The following UAP1 variants were observed in gnomAD, a reference collection of about 807,000 sequenced individuals.
UAP1 encodes the protein UDP-N-acetylhexosamine pyrophosphorylase.
A neutral mutation model predicts 58.5 loss-of-function variants in UAP1; 25 were observed. That is an observed-to-expected ratio of 0.43 (90% CI 0.31 to 0.60). The LOEUF is 0.60. Ranked by LOEUF, UAP1 falls within the 20% of genes least tolerant of loss-of-function variation. The pLI is 0.11. For missense variants in UAP1, 575 were observed against 630.0 expected, an observed-to-expected ratio of 0.91 and a Z score of 0.93; for synonymous variants, 208 against 213.0, an observed-to-expected ratio of 0.98 and a Z score of 0.21.
intron 9 of UAP1, chr1:162,593,695 C>A (rs1655456528): frequency 6.6e-6 from 1 of 151,104 alleles, no homozygotes; most frequent in Non-Finnish European, 1.5e-5. Context: ...TTGCAGTGAG[C>A]TGAGATCGCA....
intron 3 of UAP1, among the ~76,000 whole-genome samples, chr1:162,577,875 G>T (rs1465566043): frequency 6.6e-6 from 1 of 151,930 alleles, no homozygotes; most frequent in Non-Finnish European, 1.5e-5. Flanking sequence ...ATCTCAAAGT[G>T]CTGAGATTAC....
rs184069627 is a variant in UAP1 at position 162,590,316 on chromosome 1, G to A, written c.1170-7G>A. On this transcript the variant is annotated splice_polypyrimidine_tract_variant and splice_region_variant and intron_variant, in intron 7 of 10. Transcript: ENST00000271469. ...AATAAAGAGGTCTTTATATGGTTTCGCTCTAGGAAGTTTGTGGTATATGAA... is the reference window on the plus strand; with the variant it reads ...AATAAAGAGGTCTTTATATGGTTTCACTCTAGGAAGTTTGTGGTATATGAA... 153 of 1,606,846 alleles carry A rather than the reference G, an allele frequency of 9.5e-5. No homozygotes were observed. The highest frequency in any genetic ancestry group is 6.4e-4 in the Admixed American group (38 of 59,332).
At chr1:162,565,932 T>C in intron 1 of UAP1, 80 bp from the exon 2 acceptor site, 1 of 857,708 alleles carries the variant, frequency 1.2e-6, no homozygotes, top group Admixed American at 2.8e-5. Context: ...TTTTGAAATA[T>C]TCTTATTTTT....
intron 2 of UAP1, among the ~76,000 whole-genome samples, chr1:162,574,301 C>T: frequency 6.6e-6 from 1 of 152,030 alleles, no homozygotes; most frequent in East Asian, 1.9e-4. Flanking sequence ...CCATGTTGGC[C>T]AGGCTGGTCT....
chr1:162,572,586 G>A (rs1358386614), intron 2 of UAP1, among the ~76,000 whole-genome samples: 1 of 151,594 alleles, frequency 6.6e-6, no homozygotes, highest in African/African-American at 2.4e-5. Flanking sequence ...TAAAACACAT[G>A]TGCCATATGA....
chr1:162,572,647 G>A (rs926589616), intron 2 of UAP1, among the ~76,000 whole-genome samples: 1 of 152,158 alleles, frequency 6.6e-6, no homozygotes, highest in Non-Finnish European at 1.5e-5. Context: ...CAAAATGTAG[G>A]TATTTGGCAC....
chr1:162,581,311 C>T (rs749316250), exon 5 of UAP1: 2 of 1,612,358 alleles, frequency 1.2e-6, no homozygotes, highest in Non-Finnish European at 1.7e-6. Flanking sequence ...CTTTATCGGG[C>T]ACTTGCAGCC....
At chr1:162,561,556 C>T (rs997281236) in exon 1 of UAP1, 1 of 151,956 alleles carries the variant, frequency 6.6e-6, no homozygotes, top group Non-Finnish European at 1.5e-5. Flanking sequence ...GCTGACGTGT[C>T]TGGGCGGTCG....
chr1:162,583,919 C>T (rs939289133), intron 5 of UAP1, among the ~76,000 whole-genome samples: 4 of 152,150 alleles, frequency 2.6e-5, no homozygotes, highest in South Asian at 2.1e-4. Flanking sequence ...GGATTACAGG[C>T]GTGAGCCACT....
intron 8 of UAP1, 104 bp from the exon 9 acceptor site, chr1:162,592,628 A>C (rs1238453463): frequency 6.9e-6 from 6 of 867,458 alleles, no homozygotes; most frequent in Non-Finnish European, 1.1e-5. Context: ...TTTATGATTT[A>C]CCATAAATAC....
At chr1:162,600,369 TA>T (rs1180727263), downstream of UAP1, among the ~76,000 whole-genome samples, 3 of 152,152 alleles carry the variant, frequency 2.0e-5, no homozygotes, top group African/African-American at 7.2e-5. Context: ...ATTAAAAAAA[TA>T]AAAAGACAAA....
chr1:162,595,293 G>A (rs79262883), intron 9 of UAP1, among the ~76,000 whole-genome samples: 1,900 of 152,250 alleles, frequency 0.012, 29 homozygotes, highest in East Asian at 0.05. Context: ...CAGGCCAGCT[G>A]TATATGTGTT....
exon 9 of UAP1, chr1:162,592,769 G>A: frequency 6.5e-7 from 1 of 1,550,376 alleles, no homozygotes; most frequent in Non-Finnish European, 8.7e-7. Flanking sequence ...CATCACAGCT[G>A]ATGTCAATCA....
exon 11 of UAP1, chr1:162,599,566 A>G (rs939126465): frequency 7.4e-6 from 3 of 403,916 alleles, no homozygotes; most frequent in Non-Finnish European, 1.3e-5. Flanking sequence ...TTCCCAACTC[A>G]TTGAAGGTCT....
intron 9 of UAP1, among the ~76,000 whole-genome samples, chr1:162,595,410 T>G (rs899627429): frequency 2.6e-5 from 4 of 151,964 alleles, no homozygotes; most frequent in Admixed American, 1.3e-4. Flanking sequence ...ATTTTTTCCT[T>G]TTTTTTTCCT....
chr1:162,584,011 A>T (rs888886305), intron 5 of UAP1, among the ~76,000 whole-genome samples: 1 of 152,336 alleles, frequency 6.6e-6, no homozygotes, highest in Non-Finnish European at 1.5e-5. Context: ...ATTAGAGTTC[A>T]TGTTTCCCAA....
At chr1:162,593,020 T>A in intron 9 of UAP1, 1 of 528,144 alleles carries the variant, frequency 1.9e-6, no homozygotes, top group Non-Finnish European at 3.4e-6. Flanking sequence ...ACCACAGGTG[T>A]TAGAGCTGGA....
chr1:162,592,956 C>T, intron 9 of UAP1, 174 bp downstream of exon 9: 3 of 577,538 alleles, frequency 5.2e-6, no homozygotes, highest in South Asian at 2.3e-5. Flanking sequence ...ATGACACTAA[C>T]TCAGAATCTT....
At chr1:162,598,735 C>T (rs1449652915) in intron 10 of UAP1, among the ~76,000 whole-genome samples, 3 of 152,052 alleles carry the variant, frequency 2.0e-5, no homozygotes, top group East Asian at 1.9e-4. Flanking sequence ...CTCTACTGGC[C>T]GCTTGCAGTG....
Sources: gnomAD v4.1 joint callset for allele counts (sites outside exome capture counted in the v4.1 genomes callset) on GRCh38, gnomAD v4.1.1 for gene constraint, MANE v1.5 for transcripts, NCBI Gene and HGNC (gene_info 2026-07-23, HGNC 2026-07-21) for gene names.